Variants in NMT2 observed in about 807,000 individuals in gnomAD.
NMT2 encodes the protein N-myristoyltransferase 2.
NMT2 carries 35 observed loss-of-function variants against 65.4 expected under a neutral mutation model. The observed-to-expected ratio is 0.54, with a 90% CI of 0.41 to 0.71. NMT2 has a LOEUF of 0.71. Ranked by LOEUF, NMT2 falls within the 30% of genes least tolerant of loss-of-function variation. The pLI, the probability that NMT2 is intolerant of heterozygous loss-of-function variation, is 0.00. For synonymous variants in NMT2, 226 were observed against 231.8 expected (o/e 0.98, Z 0.23); for missense variants, 489 against 611.3 (o/e 0.80, Z 2.11).
rs772013689 is a variant in NMT2 at position 15,109,059 on chromosome 10, T to C, written c.*136A>G. 2.3e-5 allele frequency: 35 copies of C among 1,512,036 alleles called. No homozygotes were observed. Among genetic ancestry groups the C allele is most frequent in the Non-Finnish European group, 2.8e-5 (32 of 1,140,472 alleles). The allele number at this position is 1,512,036 out of a possible 1,614,324, so 93.7% of individuals were successfully genotyped here. ...ACGTACAAATGTCACATGTGGACTT[T>C]TGTCATCTTTTCTGATTATCGACTA... is the stretch of plus-strand genomic sequence containing the variant. On this transcript the variant is annotated 3_prime_UTR_variant, in exon 12 of 12. Transcript: ENST00000378165.
intron 1 of NMT2, among the ~76,000 whole-genome samples, chr10:15,146,563 C>A (rs1846970734): frequency 6.6e-6 from 1 of 152,168 alleles, no homozygotes; most frequent in Non-Finnish European, 1.5e-5. Context: ...TCCTTCCTGT[C>A]CTTTGTGCTG....
At chr10:15,152,216 C>CT (rs1326460440) in intron 1 of NMT2, among the ~76,000 whole-genome samples, 1 of 152,212 alleles carries the variant, frequency 6.6e-6, no homozygotes, top group Non-Finnish European at 1.5e-5. Flanking sequence ...ACAAATGGCG[C>CT]TTTTCACCAG....
chr10:15,154,828 T>G (rs1186303732), intron 1 of NMT2: 1 of 774,388 alleles, frequency 1.3e-6, no homozygotes, highest in Admixed American at 1.7e-5. Context: ...GCAGTGGTGA[T>G]CTTCTTCCTG....
intron 8 of NMT2, among the ~76,000 whole-genome samples, chr10:15,127,551 A>C: frequency 1.1e-5 from 1 of 92,792 alleles, no homozygotes; most frequent in Non-Finnish European, 1.8e-5. Flanking sequence ...CGTCTCAAAA[A>C]AAAAAAAAAA....
chr10:15,158,194 T>C (rs1487236909), intron 1 of NMT2, among the ~76,000 whole-genome samples: 1 of 151,840 alleles, frequency 6.6e-6, no homozygotes, highest in Non-Finnish European at 1.5e-5. Context: ...CAGGCGCCTG[T>C]AATCCCAGCT....
At chr10:15,112,218 T>TATATA (rs1564557605) in intron 10 of NMT2, among the ~76,000 whole-genome samples, 4 of 9,526 alleles carry the variant, frequency 4.2e-4, no homozygotes, top group Non-Finnish European at 4.2e-4. Flanking sequence ...ATATATATAT[T>TATATA]TTTTTTTTTT....
rs1845287461 is a variant in NMT2, at chr10:15,105,995, GTTAT to G, written c.*3196_*3199del. On this transcript the variant is annotated 3_prime_UTR_variant, in exon 12 of 12. Coordinates refer to ENST00000378165, the MANE Select transcript of NMT2 (RefSeq NM_004808.3). ...AAAGTTTCCAACTGGCAATGCTGCA[GTTAT>G]TTATTTTACTTTCGAGATAGAGTCT... The G allele has an allele frequency of 4.8e-6, 2 of 419,106 alleles. No individual in the cohort carries two copies. The highest frequency in any genetic ancestry group is 9.4e-6 in the Non-Finnish European group (2 of 212,458). 26.0% of individuals were successfully genotyped at this position (419,106 alleles called of 1,614,324 possible). A position where few individuals can be genotyped will look rare whatever the true frequency, so the allele number is the denominator to read the frequency against.
intron 9 of NMT2, among the ~76,000 whole-genome samples, chr10:15,113,486 A>AAAAAAG (rs1564558939): frequency 2.0e-5 from 3 of 148,912 alleles, no homozygotes; most frequent in African/African-American, 7.5e-5. Context: ...AAAAAAAAAA[A>AAAAAAG]AAAGAAAGAA....
At chr10:15,162,216 C>A (rs1833222292) in intron 1 of NMT2, among the ~76,000 whole-genome samples, 1 of 143,316 alleles carries the variant, frequency 7.0e-6, no homozygotes, top group Non-Finnish European at 1.5e-5. Context: ...TGTGCCACTG[C>A]ACTCCAGCCC....
Position 15,107,995 on chromosome 10 carries a change from T to C in NMT2, c.*1200A>G. On this transcript the variant is annotated 3_prime_UTR_variant, in exon 12 of 12. Coordinates refer to ENST00000378165, the MANE Select transcript of NMT2 (RefSeq NM_004808.3). ...GATAAAATCAGCATAGAGGAGTATG[T>C]GCAATTTTGCATAAGTAATAAAAAC... 1 of 985,780 alleles carries C rather than the reference T, an allele frequency of 1.0e-6. No homozygotes were observed. Among genetic ancestry groups the C allele is most frequent in the Non-Finnish European group, 1.2e-6 (1 of 829,880 alleles). The allele number at this position is 985,780 out of a possible 1,614,324, so 61.1% of individuals were successfully genotyped here. A position where few individuals can be genotyped will look rare whatever the true frequency, so the allele number is the denominator to read the frequency against.
At chr10:15,164,993 G>A (rs866848832) in intron 1 of NMT2, among the ~76,000 whole-genome samples, 117 of 152,168 alleles carry the variant, frequency 7.7e-4, no homozygotes, top group African/African-American at 2.6e-3. Flanking sequence ...GTAAAATCCT[G>A]TCTCTATTAA....
At chr10:15,167,772 A>C (rs1833422993) in intron 1 of NMT2, among the ~76,000 whole-genome samples, 1 of 152,220 alleles carries the variant, frequency 6.6e-6, no homozygotes, top group Admixed American at 6.5e-5. Context: ...CAAGTGTGAA[A>C]ATGCGTGGTG....
intron 1 of NMT2, among the ~76,000 whole-genome samples, chr10:15,150,202 A>C (rs1832754215): frequency 6.6e-6 from 1 of 152,198 alleles, no homozygotes; most frequent in African/African-American, 2.4e-5. Context: ...GAAGTTAGCT[A>C]AGGTTAACTC....
chr10:15,136,743 T>C lies in NMT2; in HGVS notation c.247-1325A>G, dbSNP rs191785876. ...GCCCAAGTGTTGGAAACTGGACTCC[T>C]TTTTAGGTAAAACATTACGTTTGAA... On this transcript the variant is annotated intron_variant, in intron 2 of 11. Coordinates refer to ENST00000378165, the MANE Select transcript of NMT2 (RefSeq NM_004808.3). 2.6e-3 allele frequency among the ~76,000 whole-genome samples: 397 copies of C among 152,206 alleles called. 6 individuals are homozygous for C. In the South Asian group the frequency reaches 0.039, roughly 15 times the overall value.
At chr10:15,146,370 C>T (rs976506205) in intron 1 of NMT2, among the ~76,000 whole-genome samples, 14 of 152,206 alleles carry the variant, frequency 9.2e-5, no homozygotes, top group Non-Finnish European at 1.9e-4. Context: ...GCCATGTAAA[C>T]GCTTTACAGG....
intron 11 of NMT2, 37 bp downstream of exon 11, chr10:15,109,665 T>G (rs749654562): frequency 1.3e-6 from 2 of 1,505,896 alleles, no homozygotes; most frequent in African/African-American, 2.8e-5. Flanking sequence ...CTAGGTACAT[T>G]TGTTGAGTTT....
intron 2 of NMT2, among the ~76,000 whole-genome samples, chr10:15,135,974 C>T (rs1300963625): frequency 1.3e-5 from 2 of 151,708 alleles, no homozygotes; most frequent in African/African-American, 4.8e-5. Flanking sequence ...CGCCTATAAT[C>T]CCAGCACTTT....
chr10:15,164,726 G>A (rs11259527), intron 1 of NMT2, among the ~76,000 whole-genome samples: 12,689 of 152,206 alleles, frequency 0.083, 906 homozygotes, highest in African/African-American at 0.19. Context: ...CAGATCCAAC[G>A]GTGAAAGCTC....
chr10:15,129,004 T>TCA (rs1846187495), intron 7 of NMT2, among the ~76,000 whole-genome samples: 2 of 152,066 alleles, frequency 1.3e-5, no homozygotes, highest in South Asian at 2.1e-4. Flanking sequence ...CAAGACCGTC[T>TCA]CACACACACA....
Sources: gnomAD v4.1 joint callset for allele counts (sites outside exome capture counted in the v4.1 genomes callset) on GRCh38, gnomAD v4.1.1 for gene constraint, MANE v1.5 for transcripts, NCBI Gene and HGNC (gene_info 2026-07-23, HGNC 2026-07-21) for gene names.